Variants in SNTG1 observed in about 807,000 individuals in gnomAD.
The protein encoded by SNTG1 is syntrophin gamma 1.
A neutral mutation model predicts 74.7 loss-of-function variants in SNTG1; 39 were observed. The observed-to-expected ratio is 0.52, with a 90% CI of 0.40 to 0.68. The LOEUF is 0.68. Among genes scored for constraint, SNTG1 ranks in the 30% least tolerant of loss-of-function variants. The pLI, the probability that SNTG1 is intolerant of heterozygous loss-of-function variation, is 0.00. For missense variants in SNTG1, 685 were observed against 609.5 expected (o/e 1.12, Z -1.30); for synonymous variants, 254 against 217.1 (o/e 1.17, Z -1.49).
At chr8:50,075,113 G>T (rs1204124062) in intron 1 of SNTG1, among the ~76,000 whole-genome samples, 6 of 152,192 alleles carry the variant, frequency 3.9e-5, no homozygotes, top group Non-Finnish European at 5.9e-5. Context: ...TAGGACTCAG[G>T]GCCTGCAGCC....
rs1358823784 is a variant in SNTG1, at chr8:50,552,964, G to T, written c.681-86G>T. ...AGGCTGATATTTATATTGTATGAAAGATAAGCTTTTCAACAGATACTATTA... is the reference window on the plus strand; with the variant it reads ...AGGCTGATATTTATATTGTATGAAATATAAGCTTTTCAACAGATACTATTA... On this transcript the variant is annotated intron_variant, in intron 11 of 18. Transcript: ENST00000642720. 2.3e-5 allele frequency: 34 copies of T among 1,496,462 alleles called. 1 individual carries two copies. The Admixed American group carries it at 5.3e-4, about 23-fold the overall frequency. 92.7% of individuals were successfully genotyped at this position (1,496,462 alleles called of 1,614,324 possible).
chr8:50,076,283 C>G (rs951438058), intron 1 of SNTG1, among the ~76,000 whole-genome samples: 2 of 151,826 alleles, frequency 1.3e-5, no homozygotes, highest in African/African-American at 4.8e-5. Flanking sequence ...AGGTAACATA[C>G]TGAAAGAAAC....
chr8:50,387,506 G>A (rs1021306398), intron 2 of SNTG1, among the ~76,000 whole-genome samples: 8 of 151,256 alleles, frequency 5.3e-5, no homozygotes, highest in Non-Finnish European at 1.2e-4. Context: ...TTTTTTTTTG[G>A]TCCATGTTTA....
chr8:50,484,585 C>T (rs971281635), intron 8 of SNTG1, among the ~76,000 whole-genome samples: 6 of 151,352 alleles, frequency 4.0e-5, no homozygotes, highest in African/African-American at 4.8e-5. Flanking sequence ...CAGGGCCTGG[C>T]GCAGTGGCTC....
chr8:50,252,496 T>G (rs1477060282), intron 2 of SNTG1, among the ~76,000 whole-genome samples: 2 of 152,054 alleles, frequency 1.3e-5, no homozygotes, highest in African/African-American at 4.8e-5. Context: ...AAAACCCAAA[T>G]AAATAAAATC....
chr8:50,783,389 G>A (rs1019654303), intron 18 of SNTG1, among the ~76,000 whole-genome samples: 5 of 152,190 alleles, frequency 3.3e-5, no homozygotes, highest in African/African-American at 1.2e-4. Flanking sequence ...ACCTAAGAAA[G>A]CCTGGGCAAT....
chr8:50,017,678 G>A (rs965623223), intron 1 of SNTG1, among the ~76,000 whole-genome samples: 12 of 151,736 alleles, frequency 7.9e-5, no homozygotes, highest in Admixed American at 7.2e-4. Flanking sequence ...AAAAGCATAC[G>A]TTATAATGAT....
At chr8:49,961,581 A>T (rs1304722465) in intron 1 of SNTG1, among the ~76,000 whole-genome samples, 2 of 152,222 alleles carry the variant, frequency 1.3e-5, no homozygotes, top group Admixed American at 1.3e-4. Flanking sequence ...ACTTCTGAGT[A>T]TTTCTACATC....
At chr8:50,590,750 T>C (rs2094686201) in intron 12 of SNTG1, 129 bp from the exon 13 acceptor site, 1 of 535,784 alleles carries the variant, frequency 1.9e-6, no homozygotes, top group Non-Finnish European at 3.3e-6. Context: ...TTATATGTGA[T>C]GATTTCAGCA....
intron 2 of SNTG1, among the ~76,000 whole-genome samples, chr8:50,216,609 G>A (rs1334130110): frequency 6.6e-6 from 1 of 152,080 alleles, no homozygotes; most frequent in Non-Finnish European, 1.5e-5. Context: ...GTGTATACTA[G>A]ACAGTATAAT....
rs548009892 is a variant in SNTG1 at position 50,357,341 on chromosome 8, A to G, written c.-27-36871A>G. Among the ~76,000 whole-genome samples the G allele has an allele frequency of 1.3e-4, 20 of 152,236 alleles. 1 individual carries two copies. The highest frequency in any genetic ancestry group is 2.6e-4 in the Admixed American group (4 of 15,284). ...AGTTAATCAACAATTGCCAAGTCCAACTGGATGGAAACAAAAGAACAGGTT... is the reference window on the plus strand; with the variant it reads ...AGTTAATCAACAATTGCCAAGTCCAGCTGGATGGAAACAAAAGAACAGGTT... On this transcript the variant is annotated intron_variant, in intron 2 of 18. Coordinates refer to ENST00000642720, the MANE Select transcript of SNTG1 (RefSeq NM_018967.5).
At chr8:50,710,418 CGATT>C (rs1462883360) in intron 17 of SNTG1, among the ~76,000 whole-genome samples, 1 of 151,784 alleles carries the variant, frequency 6.6e-6, no homozygotes, top group East Asian at 1.9e-4. Context: ...ATTAAATTAT[CGATT>C]AAATGAGTAA....
At chr8:50,340,487 A>G (rs1471207444) in intron 2 of SNTG1, among the ~76,000 whole-genome samples, 2 of 152,038 alleles carry the variant, frequency 1.3e-5, no homozygotes, top group Non-Finnish European at 2.9e-5. Context: ...CTTTTCAGCA[A>G]GTAGTGCTGT....
intron 1 of SNTG1, among the ~76,000 whole-genome samples, chr8:50,111,721 G>A (rs1438280779): frequency 4.6e-5 from 7 of 152,014 alleles, no homozygotes; most frequent in Admixed American, 4.6e-4. Flanking sequence ...CCCAGTGGAG[G>A]GCATATATCT....
chr8:50,481,775 T>C lies in SNTG1; in HGVS notation c.364-21003T>C, dbSNP rs1416950762. Among the ~76,000 whole-genome samples the C allele has an allele frequency of 2.6e-5, 4 of 152,332 alleles. 1 individual carries two copies. The highest frequency in any genetic ancestry group is 4.1e-4 in the South Asian group (2 of 4,834). On this transcript the variant is annotated intron_variant, in intron 8 of 18. Transcript: ENST00000642720. ...GTTTTGATGATTGGTGTGAAAAATATCTATGAAATCCTTTTACGTCTCTTT... is the reference window on the plus strand; with the variant it reads ...GTTTTGATGATTGGTGTGAAAAATACCTATGAAATCCTTTTACGTCTCTTT...
intron 2 of SNTG1, among the ~76,000 whole-genome samples, chr8:50,217,566 A>T (rs1423034296): frequency 6.6e-6 from 1 of 152,182 alleles, no homozygotes; most frequent in Non-Finnish European, 1.5e-5. Context: ...GTGGGTGCAC[A>T]CAAGGCCAAA....
At chr8:50,550,212 G>T (rs2130573732) in intron 11 of SNTG1, among the ~76,000 whole-genome samples, 1 of 152,240 alleles carries the variant, frequency 6.6e-6, no homozygotes, top group Non-Finnish European at 1.5e-5. Context: ...GGTGAGCAGT[G>T]GTTCCTTGCA....
At chr8:50,728,721 G>A (rs1270681420) in intron 17 of SNTG1, among the ~76,000 whole-genome samples, 4 of 152,158 alleles carry the variant, frequency 2.6e-5, no homozygotes, top group Non-Finnish European at 5.9e-5. Context: ...GACAGAGCCA[G>A]GCTGTTGTAA....
intron 2 of SNTG1, among the ~76,000 whole-genome samples, chr8:50,341,958 C>T (rs1357026525): frequency 2.0e-5 from 3 of 151,992 alleles, no homozygotes; most frequent in Admixed American, 6.6e-5. Context: ...TTGCCTATTT[C>T]CATATTTTCA....
Sources: allele counts gnomAD v4.1 joint callset (sites outside exome capture counted in the v4.1 genomes callset), GRCh38; gene constraint gnomAD v4.1.1; transcripts MANE v1.5; gene names NCBI Gene and HGNC (gene_info 2026-07-23, HGNC 2026-07-21).